GPATCH2: variants seen among roughly 807,000 people sequenced by gnomAD.
The protein encoded by GPATCH2 is G patch domain-containing protein 2.
In GPATCH2, 51 loss-of-function variants were observed where a neutral mutation model predicts 58.0. The ratio of observed to expected loss-of-function variants is 0.88; its 90% CI spans 0.70 to 1.11. The LOEUF (loss-of-function observed/expected upper bound fraction) is 1.11. Ranked by LOEUF, GPATCH2 falls within the 50% of genes most tolerant of loss-of-function variation. The probability of loss-of-function intolerance (pLI) is 0.00; values close to 1 mark genes in which losing one functional copy is unlikely to be tolerated. For synonymous variants in GPATCH2, 222 were observed against 218.5 expected, an observed-to-expected ratio of 1.02 and a Z score of -0.14; for missense variants, 625 against 652.2, an observed-to-expected ratio of 0.96 and a Z score of 0.45.
At position 217,518,406 on chromosome 1, in the gene GPATCH2, A is replaced by G. The variant is rs577010050; in HGVS notation, c.1099-3517T>C. The stretch of plus-strand genomic sequence containing the variant: ...CTGTTCTCTCAAAGTTATAAGACAT[A>G]TTAAAAGCATTTTCTTATTCTTTTT... On this transcript the variant is annotated intron_variant, in intron 5 of 9. Coordinates refer to ENST00000366935, the MANE Select transcript of GPATCH2 (RefSeq NM_018040.5). 7.2e-5 allele frequency among the ~76,000 whole-genome samples: 11 copies of G among 152,332 alleles called. No individual in the cohort carries two copies. In the East Asian group the frequency reaches 2.1e-3, roughly 29 times the overall value.
intron 3 of GPATCH2, 60 bp from the exon 4 acceptor site, chr1:217,611,131 A>G (rs1668605046): frequency 9.0e-6 from 13 of 1,448,760 alleles, no homozygotes; most frequent in African/African-American, 5.7e-5. Flanking sequence ...CCAGTTACAC[A>G]ATTAGTCTTG....
At chr1:217,546,970 GCCAA>G (rs1665086083) in intron 5 of GPATCH2, among the ~76,000 whole-genome samples, 1 of 151,998 alleles carries the variant, frequency 6.6e-6, no homozygotes, top group Admixed American at 6.6e-5. Flanking sequence ...CATACATGCA[GCCAA>G]CAATGATATG....
chr1:217,521,736 T>C (rs1663470852), intron 5 of GPATCH2, among the ~76,000 whole-genome samples: 2 of 152,178 alleles, frequency 1.3e-5, no homozygotes, highest in Admixed American at 6.5e-5. Context: ...ATCTTTCCTT[T>C]GAAAGCAGAC....
intron 5 of GPATCH2, among the ~76,000 whole-genome samples, chr1:217,522,011 C>A (rs1332155069): frequency 1.3e-5 from 2 of 152,224 alleles, no homozygotes; most frequent in East Asian, 3.9e-4. Flanking sequence ...AAATATATTT[C>A]TCTATGAAAT....
At chr1:217,573,439 C>T (rs1336009470) in intron 5 of GPATCH2, among the ~76,000 whole-genome samples, 1 of 152,142 alleles carries the variant, frequency 6.6e-6, no homozygotes, top group East Asian at 1.9e-4. Flanking sequence ...ATTAAAGAGA[C>T]ATTCTTTAAA....
intron 8 of GPATCH2, among the ~76,000 whole-genome samples, chr1:217,468,486 C>A (rs1307572154): frequency 6.9e-6 from 1 of 145,088 alleles, no homozygotes; most frequent in Non-Finnish European, 1.5e-5. Flanking sequence ...ATGTCTTCAA[C>A]CAAAAAATGT....
intron 8 of GPATCH2, among the ~76,000 whole-genome samples, chr1:217,491,247 T>A (rs1661718831): frequency 6.6e-6 from 1 of 152,008 alleles, no homozygotes; most frequent in African/African-American, 2.4e-5. Flanking sequence ...TTGGAAAAAA[T>A]GAACAAGATT....
intron 5 of GPATCH2, among the ~76,000 whole-genome samples, chr1:217,579,109 A>AT (rs991561087): frequency 2.0e-5 from 3 of 152,184 alleles, no homozygotes; most frequent in African/African-American, 7.2e-5. Context: ...TTGCAGTATG[A>AT]TTTTTTAAAA....
intron 6 of GPATCH2, among the ~76,000 whole-genome samples, chr1:217,511,981 G>A (rs572196049): frequency 9.1e-4 from 138 of 152,256 alleles, no homozygotes; most frequent in African/African-American, 3.3e-3. Flanking sequence ...TAGGTAAGGG[G>A]TGCGCCTGAA....
intron 7 of GPATCH2, among the ~76,000 whole-genome samples, chr1:217,492,179 T>A (rs1409998218): frequency 1.3e-5 from 2 of 152,218 alleles, no homozygotes; most frequent in African/African-American, 2.4e-5. Context: ...GCTGTGAATT[T>A]TTTAAGGCTT....
intron 8 of GPATCH2, among the ~76,000 whole-genome samples, chr1:217,479,777 C>T (rs1661134304): frequency 1.3e-5 from 2 of 152,018 alleles, no homozygotes; most frequent in African/African-American, 4.8e-5. Context: ...ATACACTTTA[C>T]CTGTAAAGAC....
chr1:217,609,593 A>T, intron 5 of GPATCH2: 1 of 984,370 alleles, frequency 1.0e-6, no homozygotes, highest in Non-Finnish European at 1.2e-6. Flanking sequence ...ACAAAATACA[A>T]ACTCCAGCAA....
At chr1:217,525,835 A>G (rs918376635) in intron 5 of GPATCH2, among the ~76,000 whole-genome samples, 4 of 152,182 alleles carry the variant, frequency 2.6e-5, no homozygotes, top group Non-Finnish European at 4.4e-5. Flanking sequence ...AAAATTCTAC[A>G]TGCACATTTT....
At chr1:217,513,435 T>A (rs930870723) in intron 6 of GPATCH2, among the ~76,000 whole-genome samples, 1 of 152,232 alleles carries the variant, frequency 6.6e-6, no homozygotes, top group Non-Finnish European at 1.5e-5. Flanking sequence ...TGTTAAGTAG[T>A]GATTTTAAAA....
chr1:217,498,150 GC>G, intron 7 of GPATCH2: 1 of 648,126 alleles, frequency 1.5e-6, no homozygotes, highest in Non-Finnish European at 2.8e-6. Flanking sequence ...GAAGACAGTG[GC>G]AGTAAAGGAA....
At chr1:217,474,628 A>G (rs1660890564) in intron 8 of GPATCH2, among the ~76,000 whole-genome samples, 2 of 152,232 alleles carry the variant, frequency 1.3e-5, no homozygotes, top group African/African-American at 4.8e-5. Context: ...CACTTTATTC[A>G]GAGCTTTTGT....
At chr1:217,590,550 T>A (rs1451268252) in intron 5 of GPATCH2, among the ~76,000 whole-genome samples, 1 of 152,184 alleles carries the variant, frequency 6.6e-6, no homozygotes, top group Non-Finnish European at 1.5e-5. Flanking sequence ...GGGAAGATGA[T>A]ATACACAAGG....
intron 5 of GPATCH2, among the ~76,000 whole-genome samples, chr1:217,515,692 A>G (rs1290025415): frequency 6.6e-6 from 1 of 151,910 alleles, no homozygotes; most frequent in Non-Finnish European, 1.5e-5. Context: ...TGGGTGACAG[A>G]GCAAGACTCT....
intron 9 of GPATCH2, among the ~76,000 whole-genome samples, chr1:217,438,653 A>G (rs1188134770): frequency 6.6e-6 from 1 of 152,190 alleles, no homozygotes; most frequent in Non-Finnish European, 1.5e-5. Context: ...TAAAGCATGA[A>G]GACAAGATTA....
Sources: gnomAD v4.1 joint callset for allele counts (sites outside exome capture counted in the v4.1 genomes callset) on GRCh38, gnomAD v4.1.1 for gene constraint, MANE v1.5 for transcripts, NCBI Gene and HGNC (gene_info 2026-07-23, HGNC 2026-07-21) for gene names.